The following BMERB1 variants were observed in gnomAD, a reference collection of about 807,000 sequenced individuals.
BMERB1 encodes the protein bMERB domain-containing protein 1.
A neutral mutation model predicts 23.6 loss-of-function variants in BMERB1; 12 were observed. That is an observed-to-expected ratio of 0.51 (90% CI 0.33 to 0.82). The LOEUF (loss-of-function observed/expected upper bound fraction) is 0.82, where lower values mean the gene tolerates loss of function less well. Ranked by LOEUF, BMERB1 falls within the 40% of genes least tolerant of loss-of-function variation. The pLI, the probability that BMERB1 is intolerant of heterozygous loss-of-function variation, is 0.03. For synonymous variants in BMERB1, 122 were observed against 96.6 expected (o/e 1.26, Z -1.54); for missense variants, 247 against 255.4 (o/e 0.97, Z 0.22).
intron 2 of BMERB1, among the ~76,000 whole-genome samples, chr16:15,563,107 C>G (rs758947765): frequency 6.6e-6 from 1 of 152,194 alleles, no homozygotes; most frequent in South Asian, 2.1e-4. Flanking sequence ...TGAGGCCGGG[C>G]GCAGTGGCTC....
chr16:15,520,477 C>CTTT lies in BMERB1; in HGVS notation c.230+5068_230+5070dup, dbSNP rs147757819. ...ACCCAATAGTCCCATCATAGATGTT[C>CTTT]TTTTTTTTTTTTTTTTTTTTTGAGA... On this transcript the variant is annotated intron_variant, in intron 2 of 5. Transcript: ENST00000300006. Among the ~76,000 whole-genome samples, 23 of 109,344 alleles carry CTTT rather than the reference C, an allele frequency of 2.1e-4. 1 individual carries two copies. Among genetic ancestry groups the CTTT allele is most frequent in the African/African-American group, 5.2e-4 (14 of 27,116 alleles). The allele number at this position is 109,344 out of a possible 152,430, so 71.7% of individuals were successfully genotyped here.
At chr16:15,497,743 G>A (rs965420656) in intron 1 of BMERB1, among the ~76,000 whole-genome samples, 19 of 152,168 alleles carry the variant, frequency 1.2e-4, no homozygotes, top group Admixed American at 9.2e-4. Flanking sequence ...GAAGTCAACA[G>A]GAACAATGAT....
chr16:15,527,749 G>A (rs2051924083), intron 2 of BMERB1, among the ~76,000 whole-genome samples: 1 of 152,112 alleles, frequency 6.6e-6, no homozygotes, highest in African/African-American at 2.4e-5. Context: ...AAAGATACCT[G>A]TAACTCAATC....
chr16:15,587,418 C>T lies in BMERB1; in HGVS notation c.*589C>T, dbSNP rs537104423. ...TAAAGATCGAGCTTGTGTGTGGTGT[C>T]GTGGTCACATCTCCCGCTTCCCCCC... is the stretch of plus-strand genomic sequence containing the variant. On this transcript the variant is annotated 3_prime_UTR_variant, in exon 6 of 6. Coordinates refer to ENST00000300006, the MANE Select transcript of BMERB1 (RefSeq NM_033201.3). 10 of 304,710 alleles carry T rather than the reference C, an allele frequency of 3.3e-5. No individual in the cohort carries two copies. The highest frequency in any genetic ancestry group is 4.9e-5 in the South Asian group (2 of 40,700). The allele number at this position is 304,710 out of a possible 1,614,324, so 18.9% of individuals were successfully genotyped here. A position where few individuals can be genotyped will look rare whatever the true frequency, so the allele number is the denominator to read the frequency against.
chr16:15,555,963 T>C (rs1046235505), intron 2 of BMERB1, among the ~76,000 whole-genome samples: 1 of 152,106 alleles, frequency 6.6e-6, no homozygotes, highest in African/African-American at 2.4e-5. Flanking sequence ...GTGGATCACC[T>C]GAGGTCAGGA....
chr16:15,550,731 T>C (rs2030065295), intron 2 of BMERB1, among the ~76,000 whole-genome samples: 1 of 152,128 alleles, frequency 6.6e-6, no homozygotes, highest in African/African-American at 2.4e-5. Flanking sequence ...CTGGGTGACA[T>C]GCGTAGGCAG....
At chr16:15,548,874 A>T (rs1411817065) in intron 2 of BMERB1, among the ~76,000 whole-genome samples, 1 of 152,180 alleles carries the variant, frequency 6.6e-6, no homozygotes, top group Non-Finnish European at 1.5e-5. Context: ...GCTTCAGAGA[A>T]GTGTGCTCTG....
At chr16:15,474,119 C>CAAATAAAAAAAAAAAAA (rs2051256154) in intron 1 of BMERB1, among the ~76,000 whole-genome samples, 1 of 91,588 alleles carries the variant, frequency 1.1e-5, no homozygotes, top group Non-Finnish European at 2.2e-5. Flanking sequence ...GACTCTGTCT[C>CAAATAAAAAAAAAAAAA]AAAAAAAAAA....
intron 3 of BMERB1, among the ~76,000 whole-genome samples, chr16:15,579,293 C>T (rs978781215): frequency 4.6e-5 from 7 of 152,094 alleles, no homozygotes; most frequent in African/African-American, 1.2e-4. Flanking sequence ...AGCGGCTCTG[C>T]GGTGCTGACG....
intron 5 of BMERB1, among the ~76,000 whole-genome samples, chr16:15,585,160 C>T (rs1476583884): frequency 6.6e-6 from 1 of 152,204 alleles, no homozygotes; most frequent in East Asian, 1.9e-4. Context: ...CCACAAGGCA[C>T]GTGATCACTG....
intron 2 of BMERB1, among the ~76,000 whole-genome samples, chr16:15,530,999 G>A (rs745551692): frequency 8.2e-5 from 12 of 146,676 alleles, no homozygotes; most frequent in African/African-American, 2.8e-4. Context: ...ACCACCTCCC[G>A]GGTTCAAGCA....
In BMERB1 at chr16:15,583,230, C is replaced by A; in HGVS notation, c.494C>A (p.Ser165Tyr). The change falls in exon 5 of 6, where the codon TCT (serine) becomes TAT (tyrosine). Residue 165 changes from serine to tyrosine, a missense_variant. Coordinates refer to ENST00000300006, the MANE Select transcript of BMERB1 (RefSeq NM_033201.3). ...KLKPLDKVTK[S>Y]PASSRAEKKA... ...AAACCTCTAGACAAAGTAACCAAAT[C>A]TCCAGCCAGTGAGTATATACATTAT... 6.2e-7 allele frequency: 1 copy of A among 1,606,948 alleles called. No individual in the cohort carries two copies. Among genetic ancestry groups the A allele is most frequent in the African/African-American group, 1.3e-5 (1 of 74,860 alleles).
chr16:15,442,679 A>G (rs1217648454), intron 1 of BMERB1, among the ~76,000 whole-genome samples: 3 of 152,208 alleles, frequency 2.0e-5, no homozygotes, highest in Admixed American at 1.3e-4. Flanking sequence ...AATTCTCATA[A>G]CAGCCCTATG....
Position 15,535,472 on chromosome 16 carries a change from C to T in BMERB1, c.230+20044C>T, listed in dbSNP as rs368050049. On this transcript the variant is annotated intron_variant, in intron 2 of 5. Transcript: ENST00000300006. Reference sequence around the variant, plus strand: ...ACCATCCTGGCCAACATGGTGAAACCCCATCTCTACTAAAAATACAAAAAA... The same window carrying T: ...ACCATCCTGGCCAACATGGTGAAACTCCATCTCTACTAAAAATACAAAAAA... Among the ~76,000 whole-genome samples the T allele has an allele frequency of 3.5e-3, 538 of 151,758 alleles. 31 individuals are homozygous for T. The South Asian group carries it at 0.11, about 31-fold the overall frequency.
intron 1 of BMERB1, among the ~76,000 whole-genome samples, chr16:15,479,781 T>TA (rs1483338702): frequency 1.3e-5 from 2 of 151,840 alleles, no homozygotes; most frequent in Non-Finnish European, 2.9e-5. Flanking sequence ...ATAGTGAATT[T>TA]AAAAAATAAA....
chr16:15,568,944 T>C (rs2030653760), intron 3 of BMERB1, among the ~76,000 whole-genome samples: 1 of 152,058 alleles, frequency 6.6e-6, no homozygotes, highest in South Asian at 2.1e-4. Context: ...AGGCCAGGCA[T>C]GGTGGCTCAC....
intron 2 of BMERB1, among the ~76,000 whole-genome samples, chr16:15,526,807 G>A (rs1246329035): frequency 6.6e-6 from 1 of 150,814 alleles, no homozygotes; most frequent in Non-Finnish European, 1.5e-5. Flanking sequence ...AGGGAATGGG[G>A]CACACGGGGC....
chr16:15,585,781 A>G (rs1372864448), intron 5 of BMERB1, among the ~76,000 whole-genome samples: 1 of 152,130 alleles, frequency 6.6e-6, no homozygotes, highest in Non-Finnish European at 1.5e-5. Context: ...GTGAGCCAAG[A>G]TCACACCACT....
rs1429200880 is a variant in BMERB1 at position 15,506,226 on chromosome 16, A to G, written c.107-9079A>G. Among the ~76,000 whole-genome samples the G allele has an allele frequency of 2.0e-5, 3 of 151,480 alleles. No homozygotes were observed. In the East Asian group the frequency reaches 5.9e-4, roughly 30 times the overall value. On this transcript the variant is annotated intron_variant, in intron 1 of 5. Transcript: ENST00000300006. ...AGTCTTGCTCTGTCACCCAGGCTGG[A>G]GTGCCGCGGTGCGATCTCTGCTCAC... is the stretch of plus-strand genomic sequence containing the variant.
Sources: allele counts gnomAD v4.1 joint callset (sites outside exome capture counted in the v4.1 genomes callset), GRCh38; gene constraint gnomAD v4.1.1; transcripts MANE v1.5; gene names NCBI Gene and HGNC (gene_info 2026-07-23, HGNC 2026-07-21).